Variants in FLT3 observed in about 807,000 individuals in gnomAD.
FLT3 encodes fms related receptor tyrosine kinase 3, also known as receptor-type tyrosine-protein kinase FLT3.
In FLT3, 46 loss-of-function variants were observed where a neutral mutation model predicts 126.6. That is an observed-to-expected ratio of 0.36 (90% CI 0.29 to 0.46). The LOEUF is 0.46. Ranked by LOEUF, FLT3 falls within the 20% of genes least tolerant of loss-of-function variation. The probability of loss-of-function intolerance (pLI) is 1.00; values close to 1 mark genes in which losing one functional copy is unlikely to be tolerated. For synonymous variants in FLT3, 404 were observed against 434.4 expected, an observed-to-expected ratio of 0.93 and a Z score of 0.87; for missense variants, 1,069 against 1,190.3, an observed-to-expected ratio of 0.90 and a Z score of 1.50.
intron 4 of FLT3, among the ~76,000 whole-genome samples, chr13:28,054,413 CAA>C (rs755290405): frequency 1.6e-4 from 21 of 127,546 alleles, no homozygotes; most frequent in Non-Finnish European, 1.8e-4. Flanking sequence ...CAACACAACT[CAA>C]AAAAAAAAAA....
At chr13:28,014,354 G>A (rs575345580) in intron 23 of FLT3, 98 bp downstream of exon 23, 4 of 846,604 alleles carry the variant, frequency 4.7e-6, no homozygotes, top group Non-Finnish European at 7.8e-6. Context: ...CAATGAGAAT[G>A]ACAACTTGGT....
chr13:28,028,259 G>A lies in FLT3; in HGVS notation c.1972C>T (p.Leu658Phe), dbSNP rs2137655786. ...EKADSSEREA[L>F]MSELKMMTQL... Reference sequence around the variant, plus strand: ...GTCATCATCTTGAGTTCTGACATGAGTGCCTCTCTTTCAGAGCTGTCTGCT... The same window carrying A: ...GTCATCATCTTGAGTTCTGACATGAATGCCTCTCTTTCAGAGCTGTCTGCT... Residue 658 changes from leucine to phenylalanine, a missense_variant, in exon 16 of 24, where the codon CTC becomes TTC. Coordinates refer to ENST00000241453, the MANE Select transcript of FLT3 (RefSeq NM_004119.3). 6.2e-7 allele frequency: 1 copy of A among 1,605,536 alleles called. No individual in the cohort carries two copies. The highest frequency in any genetic ancestry group is 8.5e-7 in the Non-Finnish European group (1 of 1,172,216).
chr13:28,099,271 C>T lies in FLT3; in HGVS notation c.43+1197G>A, dbSNP rs541618572. 3.3e-5 allele frequency among the ~76,000 whole-genome samples: 5 copies of T among 152,238 alleles called. No homozygotes were observed. The East Asian group carries it at 9.6e-4, about 29-fold the overall frequency. ...AATATCATACATAATAGAAAGCTAACATTTTGTATTAACGGAATCTGGAAA... is the reference window on the plus strand; with the variant it reads ...AATATCATACATAATAGAAAGCTAATATTTTGTATTAACGGAATCTGGAAA... On this transcript the variant is annotated intron_variant, in intron 1 of 23. Coordinates refer to ENST00000241453, the MANE Select transcript of FLT3 (RefSeq NM_004119.3).
chr13:28,059,291 A>G lies in FLT3; in HGVS notation c.369-1829T>C, dbSNP rs558787656. The stretch of plus-strand genomic sequence containing the variant: ...ACTGTTTACTACATAGTTCCTGGAA[A>G]GCGCGTGCCTTCTCTACACCTAAGG... On this transcript the variant is annotated intron_variant, in intron 3 of 23. Coordinates refer to ENST00000241453, the MANE Select transcript of FLT3 (RefSeq NM_004119.3). Among the ~76,000 whole-genome samples the G allele has an allele frequency of 5.9e-5, 9 of 152,282 alleles. No homozygotes were observed. The South Asian group carries it at 1.9e-3, about 32-fold the overall frequency.
chr13:28,070,530 G>T lies in FLT3; in HGVS notation c.126C>A (p.Asn42Lys), dbSNP rs745739442. The T allele has an allele frequency of 1.9e-6, 3 of 1,602,396 alleles. No individual in the cohort carries two copies. Among genetic ancestry groups the T allele is most frequent in the Non-Finnish European group, 2.6e-6 (3 of 1,170,064 alleles). Residue 42 changes from asparagine (N) to lysine (K), a missense_variant, in exon 2 of 24, where the codon AAC (asparagine) becomes AAA (lysine). By Grantham distance (94) the Asn-to-Lys change is moderately conservative. Coordinates refer to ENST00000241453, the MANE Select transcript of FLT3 (RefSeq NM_004119.3). ...VIKCVLINHK[N>K]NDSSVGKSSS... is the part of the protein sequence containing the mutation. ...ATGACTTCCCCACTGATGAATCATT[G>T]TTCTTATGATTGATTAAAACACACT...
chr13:28,065,601 C>T (rs1876945508), intron 2 of FLT3, among the ~76,000 whole-genome samples: 1 of 151,176 alleles, frequency 6.6e-6, no homozygotes, highest in East Asian at 1.9e-4. Context: ...ATGTTTGTGT[C>T]ACTGCACTCC....
intron 23 of FLT3, among the ~76,000 whole-genome samples, chr13:28,010,451 TG>T (rs1871258242): frequency 6.6e-6 from 1 of 152,132 alleles, no homozygotes; most frequent in South Asian, 2.1e-4. Context: ...CTAGGGAAAT[TG>T]GGGGAGGCTT....
intron 1 of FLT3, among the ~76,000 whole-genome samples, chr13:28,072,140 TATAA>T (rs1331170544): frequency 1.6e-4 from 5 of 31,802 alleles, no homozygotes; most frequent in Non-Finnish European, 4.4e-4. Context: ...TTCATATATA[TATAA>T]AAATATATGT....
At chr13:28,091,202 A>ATTTTT (rs1216841402) in intron 1 of FLT3, among the ~76,000 whole-genome samples, 18 of 34,112 alleles carry the variant, frequency 5.3e-4, no homozygotes, top group Non-Finnish European at 6.8e-4. Flanking sequence ...TTTGGGCCCC[A>ATTTTT]TTTTCTTTTT....
At chr13:28,027,375 C>T (rs1323686695) in intron 16 of FLT3, 134 bp from the exon 17 acceptor site, 5 of 562,784 alleles carry the variant, frequency 8.9e-6, no homozygotes, top group Non-Finnish European at 1.5e-5. Flanking sequence ...TTTTTCTGAG[C>T]CTAGCTCTTC....
Position 28,035,985 on chromosome 13 carries a change from T to A in FLT3, c.1368A>T (p.Gly456=). 1 of 1,614,184 alleles carries A rather than the reference T, an allele frequency of 6.2e-7. No homozygotes were observed. Among genetic ancestry groups the A allele is most frequent in the South Asian group, 1.1e-5 (1 of 91,076 alleles). The part of the protein sequence containing the change: ...SASQASCFSD[G]YPLPSWTWKK... ...TCCAGGTCCAAGATGGTAATGGGTA[T>A]CCATCCGAGAAACAGGACGCCTGAC... is the stretch of plus-strand genomic sequence containing the variant. The change falls in exon 11 of 24, where the codon GGA becomes GGT. Residue 456 remains glycine (G), a synonymous_variant. Coordinates refer to ENST00000241453, the MANE Select transcript of FLT3 (RefSeq NM_004119.3).
chr13:28,053,391 C>G (rs1875718046), intron 4 of FLT3, among the ~76,000 whole-genome samples: 1 of 104,562 alleles, frequency 9.6e-6, no homozygotes, highest in African/African-American at 4.6e-5. Context: ...ATACTATGTA[C>G]TGTTTGATAT....
At chr13:28,029,023 C>T (rs919079808) in intron 15 of FLT3, among the ~76,000 whole-genome samples, 2 of 152,112 alleles carry the variant, frequency 1.3e-5, no homozygotes, top group African/African-American at 2.4e-5. Flanking sequence ...TTCAAGCAAT[C>T]CTCCCAACTC....
chr13:28,041,290 G>C (rs1874356882), intron 9 of FLT3, among the ~76,000 whole-genome samples: 1 of 152,144 alleles, frequency 6.6e-6, no homozygotes, highest in African/African-American at 2.4e-5. Flanking sequence ...CTGGACAATG[G>C]CCAAAGACCC....
chr13:28,057,305 G>A, intron 4 of FLT3, 42 bp downstream of exon 4: 1 of 866,444 alleles, frequency 1.2e-6, no homozygotes. Flanking sequence ...TTGAAATATT[G>A]TGGTATTCCA....
intron 23 of FLT3, among the ~76,000 whole-genome samples, chr13:28,011,181 G>A (rs1191200235): frequency 2.1e-5 from 3 of 145,506 alleles, no homozygotes; most frequent in East Asian, 2.1e-4. Context: ...GTGGTGGCGC[G>A]TGCCTGTAGT....
chr13:28,027,280 G>A (rs1440228696), intron 16 of FLT3, 39 bp from the exon 17 acceptor site: 3 of 1,541,336 alleles, frequency 1.9e-6, no homozygotes, highest in Non-Finnish European at 2.7e-6. Context: ...CATACACAAA[G>A]CAAACTGTTA....
intron 1 of FLT3, among the ~76,000 whole-genome samples, chr13:28,087,089 A>G (rs1054725174): frequency 6.6e-6 from 1 of 152,138 alleles, no homozygotes; most frequent in African/African-American, 2.4e-5. Flanking sequence ...ACACATTTAT[A>G]TTATTAGTTT....
intron 19 of FLT3, among the ~76,000 whole-genome samples, chr13:28,022,700 C>T (rs141749223): frequency 6.6e-6 from 1 of 151,804 alleles, no homozygotes; most frequent in African/African-American, 2.4e-5. Flanking sequence ...GGCAAGCAAA[C>T]GAGGAAGGAA....
Sources: allele counts gnomAD v4.1 joint callset (sites outside exome capture counted in the v4.1 genomes callset), GRCh38; gene constraint gnomAD v4.1.1; transcripts MANE v1.5; gene names NCBI Gene and HGNC (gene_info 2026-07-23, HGNC 2026-07-21).